Variants in PHLPP2 observed in about 807,000 individuals in gnomAD.
PHLPP2 encodes the protein PH domain and leucine rich repeat protein phosphatase 2, also known as PH domain leucine-rich repeat-containing protein phosphatase 2.
In PHLPP2, 66 loss-of-function variants were observed where a neutral mutation model predicts 124.9. That is an observed-to-expected ratio of 0.53 (90% CI 0.43 to 0.65). The LOEUF is 0.65. Ranked by LOEUF, PHLPP2 falls within the 30% of genes least tolerant of loss-of-function variation. The pLI is 0.00. For synonymous variants in PHLPP2, 681 were observed against 624.7 expected, an observed-to-expected ratio of 1.09 and a Z score of -1.34; for missense variants, 1,685 against 1,600.4, an observed-to-expected ratio of 1.05 and a Z score of -0.90.
intron 15 of PHLPP2, among the ~76,000 whole-genome samples, chr16:71,657,495 C>T (rs982818507): frequency 4.6e-5 from 7 of 151,558 alleles, no homozygotes; most frequent in African/African-American, 1.7e-4. Flanking sequence ...CCCGGGTTCA[C>T]GCCATTCTCC....
chr16:71,650,196 T>C, intron 18 of PHLPP2, 152 bp from the exon 19 acceptor site: 1 of 624,798 alleles, frequency 1.6e-6, no homozygotes, highest in South Asian at 2.1e-5. Context: ...TGCACACAAA[T>C]AAATGTAGAG....
chr16:71,716,412 G>A lies in PHLPP2; in HGVS notation c.-6-1611C>T, dbSNP rs79210689. Among the ~76,000 whole-genome samples the A allele has an allele frequency of 2.2e-4, 34 of 152,130 alleles. No homozygotes were observed. The East Asian group carries it at 5.8e-3, about 26-fold the overall frequency. The stretch of plus-strand genomic sequence containing the variant: ...CCCTGTTTCAAAAAAAATTAATGTC[G>A]CATTTGATAATTTAGGTATGTGAAA... On this transcript the variant is annotated intron_variant, in intron 1 of 18. Coordinates refer to ENST00000568954, the MANE Select transcript of PHLPP2 (RefSeq NM_015020.3).
At position 71,655,398 on chromosome 16, in the gene PHLPP2, T is replaced by G. The variant is rs748921851; in HGVS notation, c.2427A>C (p.Ala809=). 1.2e-6 allele frequency: 2 copies of G among 1,613,856 alleles called. No homozygotes were observed. Among genetic ancestry groups the G allele is most frequent in the African/African-American group, 2.7e-5 (2 of 74,852 alleles). ...TGCCATACACAGCTCCCACCCCCTC[T>G]GCAAAGCTATCCATAGCAAGTGCTG... ...CVSALAMDSF[A]EGVGAVYGMF... The change falls in exon 17 of 19, where the codon GCA becomes GCC. Residue 809 remains alanine, a synonymous_variant. Coordinates refer to ENST00000568954, the MANE Select transcript of PHLPP2 (RefSeq NM_015020.3).
intron 2 of PHLPP2, among the ~76,000 whole-genome samples, chr16:71,707,082 G>A (rs188329618): frequency 3.3e-5 from 5 of 150,314 alleles, no homozygotes. Flanking sequence ...AGCCTCCCGA[G>A]TAGCTGGGAC....
At chr16:71,711,004 G>A (rs1421353066) in intron 2 of PHLPP2, among the ~76,000 whole-genome samples, 1 of 151,436 alleles carries the variant, frequency 6.6e-6, no homozygotes, top group African/African-American at 2.4e-5. Context: ...ATTAAAACTG[G>A]TGTCTAAAGA....
chr16:71,721,120 C>G (rs1445295800), intron 1 of PHLPP2, among the ~76,000 whole-genome samples: 1 of 147,488 alleles, frequency 6.8e-6, no homozygotes, highest in Admixed American at 6.8e-5. Context: ...AGCCTTTAAG[C>G]CCAGGAGTTG....
chr16:71,680,859 C>G (rs996666115), intron 6 of PHLPP2, among the ~76,000 whole-genome samples: 5 of 152,116 alleles, frequency 3.3e-5, no homozygotes, highest in African/African-American at 1.2e-4. Flanking sequence ...CAAAGAAATG[C>G]TAGAAACCAA....
chr16:71,691,439 C>T (rs538076909), intron 3 of PHLPP2, among the ~76,000 whole-genome samples: 39 of 150,214 alleles, frequency 2.6e-4, no homozygotes, highest in Non-Finnish European at 4.1e-4. Flanking sequence ...CCAGCCTGGG[C>T]GACAGAGCAA....
chr16:71,688,414 T>C (rs948000817), intron 4 of PHLPP2, among the ~76,000 whole-genome samples: 2 of 152,214 alleles, frequency 1.3e-5, no homozygotes, highest in African/African-American at 4.8e-5. Context: ...ATATTCTACT[T>C]GGCTCTTTCA....
At chr16:71,661,346 C>G (rs2044788509) in intron 13 of PHLPP2, among the ~76,000 whole-genome samples, 1 of 152,144 alleles carries the variant, frequency 6.6e-6, no homozygotes, top group Admixed American at 6.5e-5. Context: ...GCTGGGATTA[C>G]AGGCGTGAGC....
At position 71,648,904 on chromosome 16, in the gene PHLPP2, C is replaced by G. The variant is rs200189816; in HGVS notation, c.3958G>C (p.Asp1320His). 2 of 1,611,950 alleles carry G rather than the reference C, an allele frequency of 1.2e-6. No individual in the cohort carries two copies. The highest frequency in any genetic ancestry group is 2.2e-5 in the East Asian group (1 of 44,870). ...EDRTEPPEEF[D>H]TAL is the part of the protein sequence containing the mutation. ...CAGTGGGGCAGTCATAGTGCTGTGT[C>G]GAACTCCTCCGGGGGCTCGGTCCGA... Residue 1320 changes from aspartate to histidine, a missense_variant, in exon 19 of 19, where the codon GAC becomes CAC. Transcript: ENST00000568954.
At chr16:71,705,373 TTCTATTTCTCTCTAGAAAAC>T in intron 2 of PHLPP2, among the ~76,000 whole-genome samples, 1 of 152,342 alleles carries the variant, frequency 6.6e-6, no homozygotes, top group South Asian at 2.1e-4. Context: ...TGCTCAATTT[TTCTATTTCTCTCTAGAAAAC>T]TGAAAGAAAT....
intron 5 of PHLPP2, among the ~76,000 whole-genome samples, chr16:71,682,828 T>C (rs1489910357): frequency 6.6e-6 from 1 of 152,088 alleles, no homozygotes; most frequent in Non-Finnish European, 1.5e-5. Flanking sequence ...TATGCTAATA[T>C]AATATGGGTT....
At chr16:71,676,354 G>C (rs1334911161) in intron 9 of PHLPP2, 93 bp downstream of exon 9, 13 of 908,770 alleles carry the variant, frequency 1.4e-5, no homozygotes, top group Non-Finnish European at 2.1e-5. Flanking sequence ...CCATCCTGCA[G>C]AGTGGCTGAG....
rs201547761 is a variant in PHLPP2 at position 71,656,538 on chromosome 16, T to C, written c.2390+33A>G. ...TCTCAGATGCCAGGGGCTGCCTTTT[T>C]TCTTTCTCAGTCTCCATGGCCAATA... On this transcript the variant is annotated intron_variant, in intron 16 of 18. Coordinates refer to ENST00000568954, the MANE Select transcript of PHLPP2 (RefSeq NM_015020.3). The C allele has an allele frequency of 1.9e-5, 25 of 1,338,028 alleles. No individual in the cohort carries two copies. The East Asian group carries it at 5.8e-4, about 31-fold the overall frequency. 82.9% of individuals were successfully genotyped at this position (1,338,028 alleles called of 1,614,324 possible). A position where few individuals can be genotyped will look rare whatever the true frequency, so the allele number is the denominator to read the frequency against.
At chr16:71,724,043 G>A in intron 1 of PHLPP2, 1 of 171,100 alleles carries the variant, frequency 5.8e-6, no homozygotes, top group Non-Finnish European at 1.2e-5. Flanking sequence ...TGCCGGCGCC[G>A]AGTGGCCCGG....
chr16:71,679,799 T>C (rs1174708160), intron 6 of PHLPP2, among the ~76,000 whole-genome samples: 2 of 152,128 alleles, frequency 1.3e-5, no homozygotes, highest in African/African-American at 4.8e-5. Context: ...GAAGACAATC[T>C]TGGCCGGATG....
chr16:71,698,574 T>G, intron 3 of PHLPP2: 2 of 637,860 alleles, frequency 3.1e-6, no homozygotes, highest in South Asian at 2.9e-5. Context: ...AAGGCCTGTC[T>G]CTAAGGTCCC....
At chr16:71,700,626 C>T (rs1426822450) in intron 3 of PHLPP2, among the ~76,000 whole-genome samples, 8 of 148,328 alleles carry the variant, frequency 5.4e-5, no homozygotes, top group East Asian at 2.1e-4. Flanking sequence ...CCCAGGTTGA[C>T]GCCATTCTCC....
Sources: allele counts gnomAD v4.1 joint callset (sites outside exome capture counted in the v4.1 genomes callset), GRCh38; gene constraint gnomAD v4.1.1; transcripts MANE v1.5; gene names NCBI Gene and HGNC (gene_info 2026-07-23, HGNC 2026-07-21).